The following ABCB1 variants were observed in gnomAD, a reference collection of about 807,000 sequenced individuals.
The protein encoded by ABCB1 is ATP-dependent translocase ABCB1.
In ABCB1, 69 loss-of-function variants were observed where a neutral mutation model predicts 142.0. The ratio of observed to expected loss-of-function variants is 0.49; its 90% CI spans 0.40 to 0.59. ABCB1 has a LOEUF of 0.59. Among genes scored for constraint, ABCB1 ranks in the 20% least tolerant of loss-of-function variants. The pLI, the probability that ABCB1 is intolerant of heterozygous loss-of-function variation, is 0.00. For missense variants in ABCB1, 1,326 were observed against 1,554.7 expected, an observed-to-expected ratio of 0.85 and a Z score of 2.47; for synonymous variants, 532 against 539.2, an observed-to-expected ratio of 0.99 and a Z score of 0.18.
At chr7:87,682,426 A>G (rs921804986) in intron 1 of ABCB1, among the ~76,000 whole-genome samples, 2 of 152,204 alleles carry the variant, frequency 1.3e-5, no homozygotes, top group Non-Finnish European at 2.9e-5. Flanking sequence ...CTCATTGTCT[A>G]TGGAGGCTAG....
At chr7:87,569,103 T>G (rs1408079254) in intron 5 of ABCB1, among the ~76,000 whole-genome samples, 1 of 152,008 alleles carries the variant, frequency 6.6e-6, no homozygotes, top group Non-Finnish European at 1.5e-5. Flanking sequence ...AAGGCCAAGG[T>G]GGGTGGATCA....
chr7:87,528,706 T>C (rs1815904892), intron 21 of ABCB1, among the ~76,000 whole-genome samples: 1 of 152,168 alleles, frequency 6.6e-6, no homozygotes, highest in South Asian at 2.1e-4. Context: ...CATACACCAT[T>C]AATCAATAAA....
At chr7:87,628,209 C>G (rs1820795147) in intron 1 of ABCB1, among the ~76,000 whole-genome samples, 1 of 152,212 alleles carries the variant, frequency 6.6e-6, no homozygotes, top group South Asian at 2.1e-4. Context: ...CGGCAGCTAG[C>G]GGGCTGCGAA....
intron 1 of ABCB1, among the ~76,000 whole-genome samples, chr7:87,619,535 T>C (rs917435487): frequency 2.1e-5 from 3 of 139,620 alleles, no homozygotes; most frequent in African/African-American, 8.1e-5. Flanking sequence ...CAAAACTCCA[T>C]CTCAAAAAAA....
At chr7:87,709,279 C>A in intron 1 of ABCB1, 1 of 985,310 alleles carries the variant, frequency 1.0e-6, no homozygotes, top group South Asian at 4.7e-5. Flanking sequence ...GAGCAACTTT[C>A]TTGACTTCAT....
At chr7:87,609,108 T>C (rs1443225379) in intron 1 of ABCB1, among the ~76,000 whole-genome samples, 3 of 152,144 alleles carry the variant, frequency 2.0e-5, no homozygotes, top group Non-Finnish European at 4.4e-5. Context: ...TGATTTTGTA[T>C]GTTAAAAAGA....
chr7:87,552,710 T>C (rs1817128729), intron 9 of ABCB1, among the ~76,000 whole-genome samples: 1 of 77,644 alleles, frequency 1.3e-5, no homozygotes. Context: ...AAGGCAAATT[T>C]GAAAAAAAAA....
chr7:87,552,553 C>T (rs145764696), intron 9 of ABCB1, among the ~76,000 whole-genome samples: 54 of 151,974 alleles, frequency 3.6e-4, no homozygotes, highest in African/African-American at 1.2e-3. Context: ...TATTCATGCC[C>T]AGTGAACACT....
chr7:87,706,437 A>G (rs1459804890), intron 1 of ABCB1, among the ~76,000 whole-genome samples: 1 of 152,182 alleles, frequency 6.6e-6, no homozygotes, highest in East Asian at 1.9e-4. Context: ...TCGATCCCAA[A>G]GGTAAGAAAA....
At chr7:87,620,235 A>ACT (rs1225794341) in intron 1 of ABCB1, among the ~76,000 whole-genome samples, 1 of 151,496 alleles carries the variant, frequency 6.6e-6, no homozygotes, top group Non-Finnish European at 1.5e-5. Context: ...ATCTTGACTC[A>ACT]CTGCAACCTC....
intron 1 of ABCB1, among the ~76,000 whole-genome samples, chr7:87,708,290 G>A (rs1443034367): frequency 6.6e-6 from 1 of 152,080 alleles, no homozygotes; most frequent in East Asian, 1.9e-4. Context: ...TTACCGATAT[G>A]AGGAATGAAG....
At chr7:87,513,447 G>T (rs1378827238) in intron 25 of ABCB1, among the ~76,000 whole-genome samples, 1 of 152,028 alleles carries the variant, frequency 6.6e-6, no homozygotes, top group Non-Finnish European at 1.5e-5. Context: ...TTATTGTGCT[G>T]TATTGTATTG....
chr7:87,517,351 G>GTT (rs891276102), intron 23 of ABCB1, among the ~76,000 whole-genome samples: 24 of 149,280 alleles, frequency 1.6e-4, no homozygotes, highest in African/African-American at 5.5e-4. Context: ...GCATGCATGT[G>GTT]TTCTCTCTCT....
intron 16 of ABCB1, 45 bp downstream of exon 16, chr7:87,544,778 C>A: frequency 6.2e-7 from 1 of 1,606,974 alleles, no homozygotes; most frequent in Non-Finnish European, 8.5e-7. Context: ...AACTAGGGAA[C>A]CACAGTTAGT....
In ABCB1 at chr7:87,669,557, T is replaced by C. The variant is rs560978863; in HGVS notation, c.-331+43604A>G. Among the ~76,000 whole-genome samples the C allele has an allele frequency of 6.6e-5, 10 of 152,194 alleles. No individual in the cohort carries two copies. The South Asian group carries it at 2.1e-3, about 31-fold the overall frequency. On this transcript the variant is annotated intron_variant, in intron 1 of 28. Transcript: ENST00000265724. Reference sequence around the variant, plus strand: ...TTATGTTGGCTTTTTCTGTGATTGTTTTACAGTGACACTGGTCTGTGTGTT... The same window carrying C: ...TTATGTTGGCTTTTTCTGTGATTGTCTTACAGTGACACTGGTCTGTGTGTT...
intron 1 of ABCB1, among the ~76,000 whole-genome samples, chr7:87,646,698 T>A (rs567913341): frequency 2.0e-5 from 3 of 152,284 alleles, no homozygotes; most frequent in African/African-American, 7.2e-5. Context: ...CATTTCCTTT[T>A]CCTACACACT....
intron 1 of ABCB1, among the ~76,000 whole-genome samples, chr7:87,608,308 G>T (rs1819731169): frequency 6.6e-6 from 1 of 152,162 alleles, no homozygotes; most frequent in South Asian, 2.1e-4. Context: ...GTACCTGGAT[G>T]TCTATATTCC....
intron 3 of ABCB1, 77 bp downstream of exon 3, chr7:87,595,689 A>G: frequency 8.2e-7 from 1 of 1,218,730 alleles, no homozygotes; most frequent in Non-Finnish European, 1.2e-6. Flanking sequence ...CTTACATCAG[A>G]TGAAATATCT....
chr7:87,693,850 A>C (rs2130658254), intron 1 of ABCB1: 1 of 1,563,152 alleles, frequency 6.4e-7, no homozygotes, highest in Middle Eastern at 1.9e-4. Context: ...GGAACTGTAA[A>C]CATGATGGCA....
Sources: gnomAD v4.1 joint callset for allele counts (sites outside exome capture counted in the v4.1 genomes callset) on GRCh38, gnomAD v4.1.1 for gene constraint, MANE v1.5 for transcripts, NCBI Gene and HGNC (gene_info 2026-07-23, HGNC 2026-07-21) for gene names.